Variants in MAPKAPK3 observed in about 807,000 individuals in gnomAD.
The protein encoded by MAPKAPK3 is MAP kinase-activated protein kinase 3.
In MAPKAPK3, 35 loss-of-function variants were observed where a neutral mutation model predicts 49.2. The ratio of observed to expected loss-of-function variants is 0.71; its 90% confidence interval spans 0.54 to 0.94. MAPKAPK3 has a LOEUF of 0.94. MAPKAPK3 is among the 40% of genes least tolerant of loss of function. The pLI is 0.00. For synonymous variants in MAPKAPK3, 178 were observed against 188.7 expected, an observed-to-expected ratio of 0.94 and a Z score of 0.46; for missense variants, 398 against 493.1, an observed-to-expected ratio of 0.81 and a Z score of 1.83.
chr3:50,627,836 G>C (rs755770968), intron 2 of MAPKAPK3, among the ~76,000 whole-genome samples: 1 of 152,162 alleles, frequency 6.6e-6, no homozygotes, highest in Non-Finnish European at 1.5e-5. Context: ...GGGGCCAGGG[G>C]CCAAGGGAGA....
chr3:50,641,609 C>G (rs897069890), intron 3 of MAPKAPK3, 98 bp from the exon 4 acceptor site: 2 of 935,650 alleles, frequency 2.1e-6, no homozygotes, highest in African/African-American at 3.2e-5. Context: ...AGGAGCGGAG[C>G]AGCAGGGTCT....
chr3:50,635,387 G>A (rs1559487084), intron 2 of MAPKAPK3, among the ~76,000 whole-genome samples: 1 of 148,050 alleles, frequency 6.8e-6, no homozygotes, highest in Non-Finnish European at 1.5e-5. Context: ...GAGCCTCACT[G>A]GGGCCTCCTC....
At chr3:50,646,976 G>T (rs1301349595) in intron 9 of MAPKAPK3, 147 bp from the exon 10 acceptor site, 2 of 1,009,790 alleles carry the variant, frequency 2.0e-6, no homozygotes, top group Non-Finnish European at 3.0e-6. Flanking sequence ...CTACAACCTG[G>T]CTTTGTCACT....
At chr3:50,615,500 T>G (rs2032445593), upstream of MAPKAPK3, among the ~76,000 whole-genome samples, 2 of 152,162 alleles carry the variant, frequency 1.3e-5, no homozygotes, top group Non-Finnish European at 2.9e-5. Flanking sequence ...GGCCATGGTT[T>G]GAGGATAAGA....
Position 50,643,199 on chromosome 3 carries a change from C to T in MAPKAPK3, c.504+867C>T, listed in dbSNP as rs1419567016. Among the ~76,000 whole-genome samples, 6 of 152,150 alleles carry T rather than the reference C, an allele frequency of 3.9e-5. No homozygotes were observed. The East Asian group carries it at 5.8e-4, about 15-fold the overall frequency. On this transcript the variant is annotated intron_variant, in intron 5 of 10. Transcript: ENST00000621469. ...ACAGCCATAGCTTTGACAGATCAGG[C>T]CCCCTGATACCAGCATTTTAAGGGA...
At position 50,641,898 on chromosome 3, in the gene MAPKAPK3, T is replaced by G. The variant is rs2033184549; in HGVS notation, c.424+127T>G. 3.6e-6 allele frequency: 3 copies of G among 835,714 alleles called. No individual in the cohort carries two copies. The East Asian group carries it at 7.6e-5, about 21-fold the overall frequency. The allele number at this position is 835,714 out of a possible 1,614,324, so 51.8% of individuals were successfully genotyped here. A position where few individuals can be genotyped will look rare whatever the true frequency, so the allele number is the denominator to read the frequency against. On this transcript the variant is annotated intron_variant, in intron 4 of 10. Transcript: ENST00000621469. Reference sequence around the variant, plus strand: ...CCATCTGAATAAGAAAGGGTGAGACTCAGTGTCCATCCCCACAAGGGACTC... The same window carrying G: ...CCATCTGAATAAGAAAGGGTGAGACGCAGTGTCCATCCCCACAAGGGACTC...
intron 2 of MAPKAPK3, among the ~76,000 whole-genome samples, chr3:50,633,358 A>G (rs1166765032): frequency 6.7e-6 from 1 of 149,962 alleles, no homozygotes; most frequent in Non-Finnish European, 1.5e-5. Context: ...ACCCACCCCC[A>G]TACTCCCCAC....
intron 2 of MAPKAPK3, among the ~76,000 whole-genome samples, chr3:50,621,638 C>G (rs1038498490): frequency 1.0e-4 from 15 of 147,728 alleles, no homozygotes; most frequent in African/African-American, 3.8e-4. Context: ...GGTGTGGTGG[C>G]ACACACCTGT....
intron 2 of MAPKAPK3, among the ~76,000 whole-genome samples, chr3:50,619,902 G>C (rs897307602): frequency 2.0e-5 from 3 of 152,158 alleles, no homozygotes; most frequent in Admixed American, 6.5e-5. Context: ...CAGGCCTGGA[G>C]TGGATTTCCC....
chr3:50,647,973 A>C lies in MAPKAPK3; in HGVS notation c.1076A>C (p.Asn359Thr). ...ATCAAGGACCTGAAGACCTCTAACA[A>C]CCGGCTCCTCAACAAGAGGAGAAAA... is the stretch of plus-strand genomic sequence containing the variant. ...VKIKDLKTSN[N>T]RLLNKRRKKQ... The change falls in exon 11 of 11, where the codon AAC becomes ACC. Residue 359 changes from asparagine (N) to threonine (T), a missense_variant. Transcript: ENST00000621469. 6.2e-7 allele frequency: 1 copy of C among 1,613,850 alleles called. No homozygotes were observed. Among genetic ancestry groups the C allele is most frequent in the Admixed American group, 1.7e-5 (1 of 60,012 alleles).
intron 2 of MAPKAPK3, among the ~76,000 whole-genome samples, chr3:50,634,554 T>G (rs1219243495): frequency 6.6e-6 from 1 of 151,952 alleles, no homozygotes; most frequent in Non-Finnish European, 1.5e-5. Flanking sequence ...AATGATGCGA[T>G]CTCGGCTCAC....
At chr3:50,629,151 A>G (rs2032839315) in intron 2 of MAPKAPK3, among the ~76,000 whole-genome samples, 1 of 151,980 alleles carries the variant, frequency 6.6e-6, no homozygotes, top group African/African-American at 2.4e-5. Flanking sequence ...TGAGCCTTTC[A>G]CAGCAAAACA....
upstream of MAPKAPK3, among the ~76,000 whole-genome samples, chr3:50,614,393 A>C (rs968683496): frequency 1.3e-5 from 2 of 152,062 alleles, no homozygotes; most frequent in African/African-American, 4.8e-5. Flanking sequence ...ACCCAGAACA[A>C]TCACAAGATG....
chr3:50,637,803 A>G (rs1378525683), intron 2 of MAPKAPK3, among the ~76,000 whole-genome samples: 1 of 152,192 alleles, frequency 6.6e-6, no homozygotes, highest in Non-Finnish European at 1.5e-5. Context: ...TTGACCCAAC[A>G]GAGAGGATGA....
At chr3:50,616,702 C>T (rs527285848), upstream of MAPKAPK3, among the ~76,000 whole-genome samples, 205 of 152,292 alleles carry the variant, frequency 1.3e-3, no homozygotes, top group African/African-American at 4.7e-3. Context: ...GATGCCACCT[C>T]CCTCGGCATG....
chr3:50,612,266 G>A (rs1050355361), upstream of MAPKAPK3: 8 of 152,192 alleles, frequency 5.3e-5, no homozygotes, highest in African/African-American at 1.9e-4. Flanking sequence ...GGAACTCGTG[G>A]CAGGGCGGGG....
chr3:50,616,244 C>G (rs1477479892), upstream of MAPKAPK3, among the ~76,000 whole-genome samples: 1 of 152,024 alleles, frequency 6.6e-6, no homozygotes, highest in African/African-American at 2.4e-5. Flanking sequence ...CAGATCTGTC[C>G]CAGAAGACAG....
At chr3:50,626,540 A>T (rs942496811) in intron 2 of MAPKAPK3, among the ~76,000 whole-genome samples, 1 of 152,194 alleles carries the variant, frequency 6.6e-6, no homozygotes, top group African/African-American at 2.4e-5. Flanking sequence ...AGAGACCCAT[A>T]GCTCATCCAC....
intron 2 of MAPKAPK3, among the ~76,000 whole-genome samples, chr3:50,634,915 T>TG (rs1301016928): frequency 1.3e-5 from 2 of 152,156 alleles, no homozygotes; most frequent in African/African-American, 4.8e-5. Flanking sequence ...GGCTGCTCCA[T>TG]GGGGGCAATG....
Sources: allele counts gnomAD v4.1 joint callset (sites outside exome capture counted in the v4.1 genomes callset), GRCh38; gene constraint gnomAD v4.1.1; transcripts MANE v1.5; gene names NCBI Gene and HGNC (gene_info 2026-07-23, HGNC 2026-07-21).